Variants in MAGI1 observed in about 807,000 individuals in gnomAD.
The protein encoded by MAGI1 is membrane-associated guanylate kinase, WW and PDZ domain-containing protein 1.
Under a neutral mutation model 139.9 loss-of-function variants are expected in MAGI1, and 58 were observed. The ratio of observed to expected loss-of-function variants is 0.41; its 90% CI spans 0.34 to 0.52. The LOEUF (loss-of-function observed/expected upper bound fraction) is 0.52, where lower values mean the gene tolerates loss of function less well. Among genes scored for constraint, MAGI1 ranks in the 20% least tolerant of loss-of-function variants. The pLI is 0.12. For missense variants in MAGI1, 1,874 were observed against 1,901.6 expected, an observed-to-expected ratio of 0.99 and a Z score of 0.27; for synonymous variants, 812 against 737.9, an observed-to-expected ratio of 1.10 and a Z score of -1.63.
intron 12 of MAGI1, among the ~76,000 whole-genome samples, chr3:65,420,160 C>T (rs1457831093): frequency 6.6e-6 from 1 of 152,144 alleles, no homozygotes; most frequent in Non-Finnish European, 1.5e-5. Context: ...CCTGTCCCTT[C>T]ACCGTGTGAA....
At chr3:65,581,483 T>G (rs2081421315) in intron 2 of MAGI1, among the ~76,000 whole-genome samples, 1 of 152,294 alleles carries the variant, frequency 6.6e-6, no homozygotes, top group East Asian at 1.9e-4. Context: ...CTTCATCTTC[T>G]AGTACTTTCA....
At chr3:65,774,064 A>C (rs2038176660) in intron 1 of MAGI1, among the ~76,000 whole-genome samples, 1 of 151,828 alleles carries the variant, frequency 6.6e-6, no homozygotes, top group Admixed American at 6.6e-5. Context: ...ACTAAGTGGC[A>C]CATGGGCATC....
At chr3:65,603,578 A>T (rs2082582964) in intron 2 of MAGI1, among the ~76,000 whole-genome samples, 2 of 152,262 alleles carry the variant, frequency 1.3e-5, no homozygotes, top group South Asian at 4.1e-4. Flanking sequence ...AGTTATTCTA[A>T]TTGTAGGTAA....
chr3:65,982,751 A>G lies in MAGI1; in HGVS notation c.313+55245T>C, dbSNP rs1453167718. On this transcript the variant is annotated intron_variant, in intron 1 of 22. Transcript: ENST00000402939. ...CACCATTATAGTGACTGTATATCTA[A>G]GCTCAGTAGGCACCAGTGCCAAAAA... 2.0e-5 allele frequency among the ~76,000 whole-genome samples: 3 copies of G among 152,212 alleles called. 1 individual carries two copies. Among genetic ancestry groups the G allele is most frequent in the Non-Finnish European group, 4.4e-5 (3 of 68,010 alleles).
intron 2 of MAGI1, among the ~76,000 whole-genome samples, chr3:65,517,623 G>A (rs558212294): frequency 4.6e-5 from 7 of 152,196 alleles, no homozygotes; most frequent in South Asian, 2.1e-4. Flanking sequence ...GAGGCCCTTC[G>A]CCCTGGCAGC....
chr3:65,460,754 T>C (rs1036208037), intron 5 of MAGI1, among the ~76,000 whole-genome samples: 2 of 152,094 alleles, frequency 1.3e-5, no homozygotes, highest in Admixed American at 6.6e-5. Flanking sequence ...TGTGCCCATA[T>C]GTCCTCATTG....
At chr3:65,615,310 G>A (rs962939834) in intron 2 of MAGI1, among the ~76,000 whole-genome samples, 1 of 152,038 alleles carries the variant, frequency 6.6e-6, no homozygotes, top group African/African-American at 2.4e-5. Flanking sequence ...TGTCTTCCCC[G>A]TGAGACCCAC....
intron 1 of MAGI1, among the ~76,000 whole-genome samples, chr3:65,665,846 A>T (rs565286180): frequency 1.3e-5 from 2 of 152,286 alleles, no homozygotes; most frequent in South Asian, 4.1e-4. Flanking sequence ...AACCACTGTG[A>T]TACATCATGC....
chr3:65,437,097 A>T (rs961765493), intron 10 of MAGI1, 58 bp downstream of exon 10: 19 of 1,244,294 alleles, frequency 1.5e-5, no homozygotes, highest in African/African-American at 1.1e-4. Flanking sequence ...AAAATACCTT[A>T]AAAAAAATTA....
chr3:65,867,744 C>A (rs987661879), intron 1 of MAGI1, among the ~76,000 whole-genome samples: 1 of 151,990 alleles, frequency 6.6e-6, no homozygotes, highest in African/African-American at 2.4e-5. Flanking sequence ...CAGAGCGAGA[C>A]CCTGAATCAA....
intron 1 of MAGI1, among the ~76,000 whole-genome samples, chr3:65,976,725 A>T (rs934112296): frequency 3.3e-5 from 5 of 152,218 alleles, no homozygotes; most frequent in African/African-American, 1.2e-4. Flanking sequence ...CTCACGTTTG[A>T]CTTTGAACCA....
chr3:65,981,509 C>A (rs749387127), intron 1 of MAGI1, among the ~76,000 whole-genome samples: 4 of 152,140 alleles, frequency 2.6e-5, no homozygotes, highest in Non-Finnish European at 5.9e-5. Context: ...ATAATAATAG[C>A]CCCTCACAGA....
At chr3:65,400,378 T>G (rs902211248) in intron 13 of MAGI1, among the ~76,000 whole-genome samples, 7 of 152,184 alleles carry the variant, frequency 4.6e-5, no homozygotes, top group Non-Finnish European at 8.8e-5. Flanking sequence ...TTCTGCCTCA[T>G]GCTGCCAGGC....
At chr3:65,435,879 G>A (rs1029534269) in intron 10 of MAGI1, among the ~76,000 whole-genome samples, 3 of 152,042 alleles carry the variant, frequency 2.0e-5, no homozygotes, top group Admixed American at 6.6e-5. Context: ...GCTCAGAAGC[G>A]GTTCACAGTT....
chr3:65,654,188 G>T (rs1175156603), intron 1 of MAGI1, among the ~76,000 whole-genome samples: 2 of 152,140 alleles, frequency 1.3e-5, no homozygotes, highest in African/African-American at 4.8e-5. Flanking sequence ...GTTTTAGAAT[G>T]AAAAGATTTA....
intron 1 of MAGI1, among the ~76,000 whole-genome samples, chr3:65,977,278 C>T (rs977756320): frequency 2.0e-5 from 3 of 152,086 alleles, no homozygotes; most frequent in African/African-American, 7.2e-5. Context: ...TCACTGTCAC[C>T]CTCAACCTAC....
intron 1 of MAGI1, among the ~76,000 whole-genome samples, chr3:65,805,006 T>C (rs562615318): frequency 6.6e-6 from 1 of 152,050 alleles, no homozygotes; most frequent in Non-Finnish European, 1.5e-5. Flanking sequence ...CTAGGCAATA[T>C]GATTCAGGAT....
At chr3:65,883,747 G>A (rs2060425383) in intron 1 of MAGI1, among the ~76,000 whole-genome samples, 1 of 152,158 alleles carries the variant, frequency 6.6e-6, no homozygotes, top group African/African-American at 2.4e-5. Flanking sequence ...GATTTTCCCT[G>A]TCTCTTGCCC....
At chr3:65,934,749 C>G in intron 1 of MAGI1, among the ~76,000 whole-genome samples, 1 of 150,036 alleles carries the variant, frequency 6.7e-6, no homozygotes. Context: ...AGATTGTGGG[C>G]TGAGAAGAAA....
Sources: gnomAD v4.1 joint callset for allele counts (sites outside exome capture counted in the v4.1 genomes callset) on GRCh38, gnomAD v4.1.1 for gene constraint, MANE v1.5 for transcripts, NCBI Gene and HGNC (gene_info 2026-07-23, HGNC 2026-07-21) for gene names.